The following LRCH1 variants were observed in gnomAD, a reference collection of about 807,000 sequenced individuals.
LRCH1 encodes the protein leucine-rich repeat and calponin homology domain-containing protein 1.
Under a neutral mutation model 94.9 loss-of-function variants are expected in LRCH1, and 23 were observed. The ratio of observed to expected loss-of-function variants is 0.24; its 90% confidence interval spans 0.17 to 0.34. The LOEUF is 0.34. LRCH1 is among the 10% of genes least tolerant of loss of function. The pLI, the probability that LRCH1 is intolerant of heterozygous loss-of-function variation, is 1.00. For synonymous variants in LRCH1, 364 were observed against 354.9 expected (o/e 1.03, Z -0.29); for missense variants, 790 against 945.9 (o/e 0.84, Z 2.16).
intron 1 of LRCH1, among the ~76,000 whole-genome samples, chr13:46,586,566 G>C (rs1437394587): frequency 1.3e-5 from 2 of 152,102 alleles, no homozygotes; most frequent in Non-Finnish European, 2.9e-5. Context: ...ATAGGCACAC[G>C]CCACCAACAC....
chr13:46,660,898 T>G (rs1468863742), intron 2 of LRCH1, among the ~76,000 whole-genome samples: 1 of 152,222 alleles, frequency 6.6e-6, no homozygotes, highest in Non-Finnish European at 1.5e-5. Flanking sequence ...AATTCCAGTA[T>G]GTTCTAGACT....
rs148760457 is a variant in LRCH1 at position 46,708,595 on chromosome 13, G to A, written c.1528-3196G>A. ...CCTGATCCCATCTTTTAATCTAATA[G>A]CAATACATGCGCTGATTTACTAACT... On this transcript the variant is annotated intron_variant, in intron 13 of 19. Transcript: ENST00000389797. Among the ~76,000 whole-genome samples the A allele has an allele frequency of 2.6e-5, 4 of 152,176 alleles. No homozygotes were observed. In the East Asian group the frequency reaches 5.8e-4, roughly 22 times the overall value.
At chr13:46,734,024 C>T in intron 19 of LRCH1, 26 bp downstream of exon 19, 1 of 1,314,336 alleles carries the variant, frequency 7.6e-7, no homozygotes, top group East Asian at 2.3e-5. Context: ...CTTCATATAA[C>T]TGTGTTCTAG....
intron 1 of LRCH1, among the ~76,000 whole-genome samples, chr13:46,565,965 G>A (rs767677408): frequency 6.6e-6 from 1 of 151,796 alleles, no homozygotes; most frequent in African/African-American, 2.4e-5. Flanking sequence ...CCTGTGCCAC[G>A]TTGTGTATTC....
chr13:46,663,251 TA>T (rs2138104921), intron 2 of LRCH1, among the ~76,000 whole-genome samples: 1 of 152,354 alleles, frequency 6.6e-6, no homozygotes, highest in South Asian at 2.1e-4. Flanking sequence ...TACATAAGTG[TA>T]AAGATAGTCT....
intron 1 of LRCH1, among the ~76,000 whole-genome samples, chr13:46,591,567 C>T (rs897655236): frequency 6.6e-6 from 1 of 152,090 alleles, no homozygotes; most frequent in South Asian, 2.1e-4. Flanking sequence ...TGAGGGTAAC[C>T]CCCAGGTTCC....
At chr13:46,589,553 C>T (rs2050474903) in intron 1 of LRCH1, among the ~76,000 whole-genome samples, 1 of 147,278 alleles carries the variant, frequency 6.8e-6, no homozygotes, top group Non-Finnish European at 1.5e-5. Context: ...TAGTCCTAAA[C>T]TCTTTTATGT....
At chr13:46,558,459 G>T (rs766109579) in intron 1 of LRCH1, among the ~76,000 whole-genome samples, 3 of 151,426 alleles carry the variant, frequency 2.0e-5, no homozygotes, top group Non-Finnish European at 4.4e-5. Flanking sequence ...CAGTTGGCCG[G>T]GTGTGGTGAC....
At position 46,616,380 on chromosome 13, in the gene LRCH1, A is replaced by T. The variant is rs371021027; in HGVS notation, c.308-33821A>T. On this transcript the variant is annotated intron_variant, in intron 1 of 19. Coordinates refer to ENST00000389797, the MANE Select transcript of LRCH1 (RefSeq NM_001164211.2). Reference sequence around the variant, plus strand: ...TAAGCTTAAACAGAACCTTTGTCTGACAGATGACTTTTCCTCTCCCCTTAA... The same window carrying T: ...TAAGCTTAAACAGAACCTTTGTCTGTCAGATGACTTTTCCTCTCCCCTTAA... 7.2e-5 allele frequency among the ~76,000 whole-genome samples: 11 copies of T among 152,346 alleles called. No individual in the cohort carries two copies. In the East Asian group the frequency reaches 2.1e-3, roughly 29 times the overall value.
chr13:46,598,396 C>T (rs567464546), intron 1 of LRCH1, among the ~76,000 whole-genome samples: 157 of 151,230 alleles, frequency 1.0e-3, no homozygotes, highest in African/African-American at 3.4e-3. Flanking sequence ...TTGCTTGTCT[C>T]GGGGGAAAAG....
chr13:46,649,152 A>G (rs989978923), intron 1 of LRCH1, among the ~76,000 whole-genome samples: 1 of 152,124 alleles, frequency 6.6e-6, no homozygotes, highest in African/African-American at 2.4e-5. Flanking sequence ...GCTCTTTAAC[A>G]TCTATTTCAT....
chr13:46,600,516 C>G (rs1017939455), intron 1 of LRCH1, among the ~76,000 whole-genome samples: 2 of 152,012 alleles, frequency 1.3e-5, no homozygotes, highest in Admixed American at 6.6e-5. Context: ...TTATTCAAAA[C>G]TGAATTTACT....
chr13:46,729,323 C>T (rs965185870), intron 18 of LRCH1, among the ~76,000 whole-genome samples: 11 of 151,934 alleles, frequency 7.2e-5, no homozygotes, highest in East Asian at 3.9e-4. Flanking sequence ...GGATCACTTG[C>T]GCTCAGGAGT....
At chr13:46,594,839 T>C (rs1279631064) in intron 1 of LRCH1, among the ~76,000 whole-genome samples, 3 of 152,204 alleles carry the variant, frequency 2.0e-5, no homozygotes, top group African/African-American at 7.2e-5. Flanking sequence ...GTTTTTTTAA[T>C]TTAGCTCTGA....
intron 1 of LRCH1, among the ~76,000 whole-genome samples, chr13:46,600,618 TACACACACACACACACACAC>T (rs3068695): frequency 1.4e-5 from 2 of 143,184 alleles, no homozygotes; most frequent in African/African-American, 2.6e-5. Flanking sequence ...TGACCAGATT[TACACACACACACACACACAC>T]ACACACACAC....
intron 1 of LRCH1, among the ~76,000 whole-genome samples, chr13:46,577,602 G>T (rs2050318529): frequency 6.6e-6 from 1 of 152,214 alleles, no homozygotes; most frequent in African/African-American, 2.4e-5. Context: ...AGGAATGAAT[G>T]AAATGAATGA....
chr13:46,567,260 A>G (rs942903880), intron 1 of LRCH1, among the ~76,000 whole-genome samples: 1 of 152,220 alleles, frequency 6.6e-6, no homozygotes, highest in Non-Finnish European at 1.5e-5. Context: ...TTTGACATAT[A>G]AAAATATGTT....
chr13:46,645,993 A>C (rs886620586), intron 1 of LRCH1, among the ~76,000 whole-genome samples: 1 of 152,224 alleles, frequency 6.6e-6, no homozygotes, highest in Admixed American at 6.5e-5. Flanking sequence ...ACCTGAAGGA[A>C]ACCACACATA....
At chr13:46,657,327 A>G (rs1323258370) in intron 2 of LRCH1, among the ~76,000 whole-genome samples, 2 of 151,394 alleles carry the variant, frequency 1.3e-5, no homozygotes, top group East Asian at 1.9e-4. Flanking sequence ...AACTTACTAT[A>G]TATCCTCTAA....
Sources: allele counts gnomAD v4.1 joint callset (sites outside exome capture counted in the v4.1 genomes callset), GRCh38; gene constraint gnomAD v4.1.1; transcripts MANE v1.5; gene names NCBI Gene and HGNC (gene_info 2026-07-23, HGNC 2026-07-21).